Variants in TPST1 observed in about 807,000 individuals in gnomAD.
The protein encoded by TPST1 is protein-tyrosine sulfotransferase 1.
A neutral mutation model predicts 34.8 loss-of-function variants in TPST1; 20 were observed. The ratio of observed to expected loss-of-function variants is 0.57; its 90% CI spans 0.40 to 0.84. The LOEUF (loss-of-function observed/expected upper bound fraction) is 0.84. Ranked by LOEUF, TPST1 falls within the 40% of genes least tolerant of loss-of-function variation. TPST1 has a pLI of 0.00. For synonymous variants in TPST1, 152 were observed against 159.4 expected, an observed-to-expected ratio of 0.95 and a Z score of 0.35; for missense variants, 353 against 455.5, an observed-to-expected ratio of 0.78 and a Z score of 2.05.
At chr7:66,311,921 A>G (rs1791540135) in intron 3 of TPST1, among the ~76,000 whole-genome samples, 1 of 152,186 alleles carries the variant, frequency 6.6e-6, no homozygotes, top group African/African-American at 2.4e-5. Flanking sequence ...CAGCTTTGGC[A>G]CTGTCATTCC....
intron 3 of TPST1, among the ~76,000 whole-genome samples, chr7:66,339,690 G>C (rs1036927100): frequency 6.6e-6 from 1 of 151,988 alleles, no homozygotes; most frequent in Non-Finnish European, 1.5e-5. Context: ...ACTTGAGGGT[G>C]GGGGGTTGGA....
At chr7:66,324,311 AAG>A (rs1275782364) in intron 3 of TPST1, among the ~76,000 whole-genome samples, 1 of 152,160 alleles carries the variant, frequency 6.6e-6, no homozygotes, top group Non-Finnish European at 1.5e-5. Context: ...TTATGACTAG[AAG>A]GAGGGACAAG....
At chr7:66,301,218 C>A (rs1212907775) in intron 3 of TPST1, among the ~76,000 whole-genome samples, 2 of 152,164 alleles carry the variant, frequency 1.3e-5, no homozygotes, top group African/African-American at 4.8e-5. Flanking sequence ...CATAAACAAA[C>A]AACCTCTACT....
intron 1 of TPST1, among the ~76,000 whole-genome samples, chr7:66,227,833 A>G (rs1789696637): frequency 2.6e-5 from 4 of 152,142 alleles, no homozygotes; most frequent in Admixed American, 2.6e-4. Context: ...CCCTTACCTA[A>G]CAATTCCTCT....
chr7:66,322,286 C>T (rs1220059007), intron 3 of TPST1, among the ~76,000 whole-genome samples: 3 of 152,162 alleles, frequency 2.0e-5, no homozygotes, highest in Admixed American at 1.3e-4. Context: ...AGATTTACAA[C>T]TGTACATCTC....
At chr7:66,209,630 G>T (rs796948008) in intron 1 of TPST1, among the ~76,000 whole-genome samples, 15 of 152,230 alleles carry the variant, frequency 9.9e-5, no homozygotes, top group African/African-American at 3.6e-4. Context: ...GATTATACAG[G>T]CTTCTGGTTA....
chr7:66,249,498 C>T (rs1293389645), intron 2 of TPST1, among the ~76,000 whole-genome samples: 1 of 152,150 alleles, frequency 6.6e-6, no homozygotes, highest in African/African-American at 2.4e-5. Flanking sequence ...ATCATGTTTT[C>T]AAACATCAAC....
intron 2 of TPST1, among the ~76,000 whole-genome samples, chr7:66,274,324 G>A (rs1052273443): frequency 2.7e-5 from 4 of 150,636 alleles, no homozygotes; most frequent in African/African-American, 9.8e-5. Context: ...TTGAGATCGC[G>A]TCACTGCACT....
rs1379335338 is a variant in TPST1, at chr7:66,332,133, C to T, written c.1045-20372C>T. Among the ~76,000 whole-genome samples the T allele has an allele frequency of 6.9e-6, 1 of 145,474 alleles. No homozygotes were observed. Among genetic ancestry groups the T allele is most frequent in the Non-Finnish European group, 1.5e-5 (1 of 66,948 alleles). On this transcript the variant is annotated intron_variant, in intron 3 of 5. Transcript: ENST00000304842. This position sits in a 1 kb window ranked among gnomAD's most constrained non-coding sequence, Gnocchi z 4.5. ...TTGAATCATCCGGAAACCATCCCCT[C>T]TGCTGGTCCATGGAAAGATTGTTTT...
At chr7:66,224,302 T>C (rs1353860508) in intron 1 of TPST1, among the ~76,000 whole-genome samples, 2 of 152,212 alleles carry the variant, frequency 1.3e-5, no homozygotes, top group African/African-American at 4.8e-5. Flanking sequence ...TTTTTCCTTT[T>C]GCTAACAGGC....
chr7:66,271,433 T>G (rs529468975), intron 2 of TPST1, among the ~76,000 whole-genome samples: 1 of 152,322 alleles, frequency 6.6e-6, no homozygotes, highest in Non-Finnish European at 1.5e-5. Context: ...CGCCTCAGCT[T>G]CCCAGAGTGC....
intron 3 of TPST1, among the ~76,000 whole-genome samples, chr7:66,315,334 C>T (rs1584233226): frequency 6.6e-6 from 1 of 152,356 alleles, no homozygotes; most frequent in East Asian, 1.9e-4. Context: ...GGAGGAACCA[C>T]CTACAGGTGC....
chr7:66,347,570 G>T (rs1347064761), intron 3 of TPST1, among the ~76,000 whole-genome samples: 1 of 152,012 alleles, frequency 6.6e-6, no homozygotes, highest in Non-Finnish European at 1.5e-5. Flanking sequence ...TGCTGTTTTG[G>T]TTACTATAAC....
intron 1 of TPST1, among the ~76,000 whole-genome samples, chr7:66,238,994 C>T (rs1481651288): frequency 6.6e-6 from 1 of 152,220 alleles, no homozygotes. Context: ...TCTTACCTGT[C>T]CTTCTGAGGA....
chr7:66,306,874 C>T (rs978790554), intron 3 of TPST1, among the ~76,000 whole-genome samples: 5 of 151,656 alleles, frequency 3.3e-5, no homozygotes, highest in South Asian at 4.2e-4. Flanking sequence ...CCACCATGCA[C>T]GGCTAATTTT....
At chr7:66,271,778 C>G (rs974901801) in intron 2 of TPST1, among the ~76,000 whole-genome samples, 1 of 151,432 alleles carries the variant, frequency 6.6e-6, no homozygotes, top group Admixed American at 6.6e-5. Context: ...ATATCCATAT[C>G]GTATATGTAT....
intron 3 of TPST1, among the ~76,000 whole-genome samples, chr7:66,300,246 T>C (rs1337722431): frequency 6.6e-6 from 1 of 152,306 alleles, no homozygotes; most frequent in East Asian, 1.9e-4. Flanking sequence ...TGCTGTCTTT[T>C]CAACAATATT....
chr7:66,359,938 G>C lies in TPST1; in HGVS notation c.*73G>C, dbSNP rs1273972208. 2 of 456,746 alleles carry C rather than the reference G, an allele frequency of 4.4e-6. No individual in the cohort carries two copies. The highest frequency in any genetic ancestry group is 4.4e-6 in the Non-Finnish European group (1 of 226,978). 28.3% of individuals were successfully genotyped at this position (456,746 alleles called of 1,614,324 possible). ...CAGCAGAAGGGAAATTCCTAGGATT[G>C]GCTGTCCCCTGCCAAGCTTGGTGGA... is the stretch of plus-strand genomic sequence containing the variant. On this transcript the variant is annotated 3_prime_UTR_variant, in exon 6 of 6. Coordinates refer to ENST00000304842, the MANE Select transcript of TPST1 (RefSeq NM_003596.4).
At chr7:66,199,588 C>T in the TPST1 span, among the ~76,000 whole-genome samples, 1 of 151,610 alleles carries the variant, frequency 6.6e-6, no homozygotes, top group Non-Finnish European at 1.5e-5. Context: ...GCCACTGCAC[C>T]TGGCCTCAAA....
Sources: gnomAD v4.1 joint callset for allele counts (sites outside exome capture counted in the v4.1 genomes callset) on GRCh38, gnomAD v4.1.1 for gene constraint, Gnocchi (gnomAD v3.1) non-coding constraint, MANE v1.5 for transcripts, NCBI Gene and HGNC (gene_info 2026-07-23, HGNC 2026-07-21) for gene names.